CD4: variants seen among roughly 807,000 people sequenced by gnomAD.
The protein encoded by CD4 is CD4 molecule.
CD4 carries 25 observed loss-of-function variants against 50.5 expected under a neutral mutation model. The observed-to-expected ratio is 0.49, with a 90% CI of 0.36 to 0.69. The LOEUF is 0.69. Among genes scored for constraint, CD4 ranks in the 30% least tolerant of loss-of-function variants. The pLI, the probability that CD4 is intolerant of heterozygous loss-of-function variation, is 0.00. For synonymous variants in CD4, 207 were observed against 221.9 expected (o/e 0.93, Z 0.60); for missense variants, 456 against 548.5 (o/e 0.83, Z 1.68).
chr12:6,809,202 A>G (rs1942859058), intron 3 of CD4, among the ~76,000 whole-genome samples: 2 of 152,090 alleles, frequency 1.3e-5, no homozygotes, highest in Admixed American at 6.6e-5. Context: ...TTGCTTTGAA[A>G]GTGTTTTGGG....
intron 9 of CD4, 142 bp downstream of exon 9, chr12:6,819,056 G>T: frequency 1.4e-6 from 1 of 724,074 alleles, no homozygotes. Context: ...AGCTGGGAGG[G>T]GTGGAGGTGA....
chr12:6,798,207 TCG>T (rs1942429394), intron 1 of CD4, among the ~76,000 whole-genome samples: 1 of 137,112 alleles, frequency 7.3e-6, no homozygotes, highest in African/African-American at 2.7e-5. Context: ...TCTTGCTCTG[TCG>T]CCCAGGCTGG....
At position 6,814,200 on chromosome 12, in the gene CD4, C is replaced by G. The variant is rs1943023339; in HGVS notation, c.273C>G (p.Asn91Lys). 3.7e-6 allele frequency: 6 copies of G among 1,614,036 alleles called. No individual in the cohort carries two copies. The African/African-American group carries it at 6.7e-5, about 18-fold the overall frequency. Residue 91 changes from asparagine to lysine, a missense_variant, in exon 4 of 10, where the codon AAC (asparagine) becomes AAG (lysine). Physicochemically the swap from Asn to Lys is moderately conservative, Grantham distance 94. Coordinates refer to ENST00000011653, the MANE Select transcript of CD4 (RefSeq NM_000616.5). Reference protein sequence around the residue: ...DSRRSLWDQGNFPLIIKNLKI... With the variant: ...DSRRSLWDQGKFPLIIKNLKI... Reference sequence around the variant, plus strand: ...GAAGAAGCCTTTGGGACCAAGGAAACTTTCCCCTGATCATCAAGAATCTTA... The same window carrying G: ...GAAGAAGCCTTTGGGACCAAGGAAAGTTTCCCCTGATCATCAAGAATCTTA...
chr12:6,815,070 G>A, intron 5 of CD4, 78 bp downstream of exon 5: 1 of 1,005,006 alleles, frequency 1.0e-6, no homozygotes, highest in Non-Finnish European at 1.5e-6. Context: ...TGACTGCCCT[G>A]TTTCTGGTTC....
intron 1 of CD4, among the ~76,000 whole-genome samples, chr12:6,795,756 C>T (rs948798858): frequency 3.3e-5 from 5 of 152,206 alleles, no homozygotes; most frequent in Non-Finnish European, 7.3e-5. Context: ...AGAAAATATG[C>T]CCAGGGCAGG....
intron 3 of CD4, among the ~76,000 whole-genome samples, chr12:6,806,852 A>C (rs887416064): frequency 6.6e-6 from 1 of 152,174 alleles, no homozygotes; most frequent in African/African-American, 2.4e-5. Context: ...ACTCTGGAAA[A>C]CAGTTTGATA....
intron 3 of CD4, among the ~76,000 whole-genome samples, chr12:6,813,219 A>AT (rs1565498605): frequency 9.9e-4 from 143 of 145,118 alleles, no homozygotes; most frequent in African/African-American, 3.0e-3. Flanking sequence ...AATTAAAAAA[A>AT]ATTTTTTTTT....
chr12:6,807,335 C>T (rs1209840444), intron 3 of CD4, among the ~76,000 whole-genome samples: 1 of 152,136 alleles, frequency 6.6e-6, no homozygotes, highest in East Asian at 1.9e-4. Context: ...TCTAGATGTC[C>T]TTCAACTGGT....
intron 3 of CD4, among the ~76,000 whole-genome samples, chr12:6,805,806 G>A (rs1049135484): frequency 6.6e-6 from 1 of 151,938 alleles, no homozygotes; most frequent in African/African-American, 2.4e-5. Flanking sequence ...GCCAGGTGTA[G>A]TGGCTTACAC....
Position 6,818,468 on chromosome 12 carries a change from C to G in CD4, c.1204C>G (p.Leu402Val). The part of the protein sequence containing the change: ...TPVQPMALIV[L>V]GGVAGLLLFI... The stretch of plus-strand genomic sequence containing the variant: ...GGTGCAGCCAATGGCCCTGATTGTG[C>G]TGGGGGGCGTCGCCGGCCTCCTGCT... Residue 402 changes from leucine (L) to valine (V), a missense_variant, in exon 8 of 10, where the codon CTG (leucine) becomes GTG (valine). By Grantham distance (32) the Leu-to-Val change is conservative. Transcript: ENST00000011653. The surrounding 1 kb of genome is among the most constrained non-coding windows in gnomAD (Gnocchi z 5.0). The G allele has an allele frequency of 6.2e-7, 1 of 1,612,988 alleles. No individual in the cohort carries two copies. The highest frequency in any genetic ancestry group is 8.5e-7 in the Non-Finnish European group (1 of 1,180,018).
At chr12:6,796,356 G>A (rs1043915769) in intron 1 of CD4, among the ~76,000 whole-genome samples, 1 of 152,202 alleles carries the variant, frequency 6.6e-6, no homozygotes, top group Admixed American at 6.5e-5. Context: ...AGATGCCACT[G>A]GGGGAAAGAA....
chr12:6,819,583 T>C lies in CD4; in HGVS notation c.*254T>C, dbSNP rs1387608833. The C allele has an allele frequency of 1.3e-5, 7 of 542,672 alleles. No homozygotes were observed. The highest frequency in any genetic ancestry group is 2.3e-5 in the Non-Finnish European group (7 of 300,720). 33.6% of individuals were successfully genotyped at this position (542,672 alleles called of 1,614,324 possible). ...TTCAAGCCTAGCCCTTCTCTCATTA[T>C]TTCTCTCTGACCCTCTCCCCACTGC... On this transcript the variant is annotated 3_prime_UTR_variant, in exon 10 of 10. Transcript: ENST00000011653.
In CD4 at chr12:6,817,261, C is replaced by T; in HGVS notation, c.1087C>T (p.Pro363Ser). The T allele has an allele frequency of 6.2e-7, 1 of 1,601,048 alleles. No homozygotes were observed. Among genetic ancestry groups the T allele is most frequent in the Non-Finnish European group, 8.5e-7 (1 of 1,172,998 alleles). Reference protein sequence around the residue: ...KREKAVWVLNPEAGMWQCLLS... With the variant: ...KREKAVWVLNSEAGMWQCLLS... ...GGAGAAGGCGGTGTGGGTGCTGAAC[C>T]CTGAGGCGGGGATGTGGCAGTGTCT... The change falls in exon 7 of 10, where the codon CCT becomes TCT. Residue 363 changes from proline (P) to serine (S), a missense_variant. Physicochemically the swap from Pro to Ser is moderately conservative, Grantham distance 74 (BLOSUM62 -1). Transcript: ENST00000011653.
chr12:6,807,786 A>G (rs193079181), intron 3 of CD4, among the ~76,000 whole-genome samples: 3 of 152,282 alleles, frequency 2.0e-5, no homozygotes, highest in Admixed American at 2.0e-4. Context: ...TCAAAATAAT[A>G]AGTTTAGTTT....
chr12:6,793,970 A>ATCTCTATCTATCTATC (rs1555114029), intron 1 of CD4, among the ~76,000 whole-genome samples: 2 of 133,850 alleles, frequency 1.5e-5, no homozygotes, highest in Non-Finnish European at 3.1e-5. Context: ...CTATCTATCT[A>ATCTCTATCTATCTATC]TATCTATCTA....
In CD4 at chr12:6,815,012, G is replaced by A. The variant is rs200408853; in HGVS notation, c.607+20G>A. ...TGCTAGGTAAGGGAAGCCCCTCTTC[G>A]CGCAGTCTCCTCCCTGCCCCAGGGG... On this transcript the variant is annotated intron_variant, in intron 5 of 9. Transcript: ENST00000011653. 61 of 1,539,768 alleles carry A rather than the reference G, an allele frequency of 4.0e-5. No homozygotes were observed. Among genetic ancestry groups the A allele is most frequent in the Non-Finnish European group, 4.9e-5 (55 of 1,117,816 alleles).
rs1156665260 is a variant in CD4, at chr12:6,798,271, G to T, written c.-67-1801G>T. ...TGCCACCTCTGCCTCCCGGGTTCAC[G>T]CCATTCTCCTGCCTCAGCCTCCCGA... On this transcript the variant is annotated intron_variant, in intron 1 of 9. Coordinates refer to ENST00000011653, the MANE Select transcript of CD4 (RefSeq NM_000616.5). Among the ~76,000 whole-genome samples, 11 of 90,464 alleles carry T rather than the reference G, an allele frequency of 1.2e-4. 2 individuals are homozygous for T. Among genetic ancestry groups the T allele is most frequent in the African/African-American group, 4.4e-4 (11 of 24,784 alleles). The allele number at this position is 90,464 out of a possible 152,430, so 59.3% of individuals were successfully genotyped here. A position where few individuals can be genotyped will look rare whatever the true frequency, so the allele number is the denominator to read the frequency against.
rs1243088915 is a variant in CD4 at position 6,816,795 on chromosome 12, T to TA, written c.956-334dup. On this transcript the variant is annotated intron_variant, in intron 6 of 9. Transcript: ENST00000011653. The surrounding 1 kb of genome is among the most constrained non-coding windows in gnomAD (Gnocchi z 4.9). ...CTCCAAATTGAGTTTCTGGCTTCCTTATCTCCTTATCATCATAACGACTCT... is the reference window on the plus strand; with the variant it reads ...CTCCAAATTGAGTTTCTGGCTTCCTTAATCTCCTTATCATCATAACGACTCT... 1.3e-5 allele frequency among the ~76,000 whole-genome samples: 2 copies of TA among 152,208 alleles called. No homozygotes were observed. The highest frequency in any genetic ancestry group is 2.9e-5 in the Non-Finnish European group (2 of 68,028).
chr12:6,811,432 T>C (rs1003540643), intron 3 of CD4, among the ~76,000 whole-genome samples: 1 of 151,932 alleles, frequency 6.6e-6, no homozygotes, highest in Non-Finnish European at 1.5e-5. Flanking sequence ...CATAGCGAAA[T>C]AGCCTGAATT....
Sources: gnomAD v4.1 joint callset for allele counts (sites outside exome capture counted in the v4.1 genomes callset) on GRCh38, gnomAD v4.1.1 for gene constraint, Gnocchi (gnomAD v3.1) non-coding constraint, MANE v1.5 for transcripts, NCBI Gene and HGNC (gene_info 2026-07-23, HGNC 2026-07-21) for gene names.